TM4SF19: variants seen among roughly 807,000 people sequenced by gnomAD.
The protein encoded by TM4SF19 is transmembrane 4 L6 family member 19.
Under a neutral mutation model 21.8 loss-of-function variants are expected in TM4SF19, and 17 were observed. The observed-to-expected ratio is 0.78, with a 90% confidence interval of 0.53 to 1.17. TM4SF19 has a LOEUF of 1.17. Among genes scored for constraint, TM4SF19 ranks in the 50% most tolerant of loss-of-function variants. The pLI is 0.00. For synonymous variants in TM4SF19, 107 were observed against 106.7 expected, an observed-to-expected ratio of 1.00 and a Z score of -0.02; for missense variants, 216 against 252.1, an observed-to-expected ratio of 0.86 and a Z score of 0.97.
chr3:196,330,187 C>A (rs78265879), intron 1 of TM4SF19, among the ~76,000 whole-genome samples: 1 of 152,000 alleles, frequency 6.6e-6, no homozygotes, highest in Non-Finnish European at 1.5e-5. Context: ...TATGTTACCC[C>A]AGCTGGTCTT....
chr3:196,334,381 C>CTT (rs529810285), intron 1 of TM4SF19, among the ~76,000 whole-genome samples: 17 of 145,934 alleles, frequency 1.2e-4, no homozygotes, highest in Admixed American at 5.5e-4. Flanking sequence ...TTTTCTTTTT[C>CTT]TTTTTTTTTT....
intron 1 of TM4SF19, among the ~76,000 whole-genome samples, chr3:196,328,953 T>C (rs1014856552): frequency 5.3e-5 from 8 of 152,150 alleles, no homozygotes; most frequent in Non-Finnish European, 1.2e-4. Context: ...ATGATTTTTT[T>C]TTTTTCTTGA....
chr3:196,337,451 G>A (rs55817550), intron 1 of TM4SF19, among the ~76,000 whole-genome samples: 5 of 152,150 alleles, frequency 3.3e-5, no homozygotes, highest in Non-Finnish European at 5.9e-5. Flanking sequence ...TCTCCCAATA[G>A]ATAGAAAATA....
intron 1 of TM4SF19, among the ~76,000 whole-genome samples, chr3:196,334,609 A>T (rs1404269281): frequency 6.6e-6 from 1 of 151,854 alleles, no homozygotes; most frequent in Non-Finnish European, 1.5e-5. Flanking sequence ...GCACACCACC[A>T]TGCCCGGCTA....
intron 1 of TM4SF19, among the ~76,000 whole-genome samples, chr3:196,334,337 G>A (rs550709461): frequency 2.6e-5 from 4 of 151,522 alleles, no homozygotes; most frequent in East Asian, 1.9e-4. Context: ...TTGTTTAGTC[G>A]GGTGTTTTCC....
At chr3:196,326,866 A>G in intron 3 of TM4SF19, 89 bp downstream of exon 3, 1 of 1,135,844 alleles carries the variant, frequency 8.8e-7, no homozygotes, top group Non-Finnish European at 1.3e-6. Flanking sequence ...TCAGGCCCCA[A>G]GACCAAAATT....
intron 1 of TM4SF19, 114 bp from the exon 2 acceptor site, chr3:196,327,705 G>T: frequency 1.2e-6 from 1 of 835,944 alleles, no homozygotes. Flanking sequence ...CCACCTTCCA[G>T]GGTCAGACCA....
chr3:196,327,102 G>A, intron 2 of TM4SF19, 70 bp from the exon 3 acceptor site: 1 of 1,308,436 alleles, frequency 7.6e-7, no homozygotes, highest in Non-Finnish European at 1.1e-6. Flanking sequence ...GCTGCCCACA[G>A]CTGTTAGAGT....
intron 3 of TM4SF19, among the ~76,000 whole-genome samples, chr3:196,326,404 G>A (rs911686902): frequency 6.6e-6 from 1 of 152,046 alleles, no homozygotes; most frequent in Non-Finnish European, 1.5e-5. Context: ...GTGTGTGTGT[G>A]TGTGTGTGTG....
rs1408689684 is a variant in TM4SF19 at position 196,327,396 on chromosome 3, GCCT to G, written c.192_194del (p.Gly65del). On this transcript the variant is annotated inframe_deletion, in exon 2 of 5. Coordinates refer to ENST00000273695, the MANE Select transcript of TM4SF19 (RefSeq NM_138461.4). ...GGGAACCCCGGACACTTACCATGAG[GCCT>G]CCTCCCCAGAGCCCAGTTCCCAGCA... 1 of 1,613,716 alleles carries G rather than the reference GCCT, an allele frequency of 6.2e-7. No homozygotes were observed.
chr3:196,323,954 C>A lies in TM4SF19; in HGVS notation c.493G>T (p.Glu165Ter). 1 of 1,614,064 alleles carries A rather than the reference C, an allele frequency of 6.2e-7. No homozygotes were observed. ...DRSLWNSVCL[E>*]PSAAVVWHVS... ...TGCCAGACAACAGCTGCAGAGGGCT[C>A]CAGGCAGACGGAGTTCCAGAGCGAA... The change falls in exon 5 of 5, where the codon GAG becomes TAG. Residue 165 changes from glutamate to a stop codon, truncating the protein, a stop_gained. Transcript: ENST00000273695. LOFTEE classifies it high-confidence loss of function.
intron 4 of TM4SF19, 133 bp from the exon 5 acceptor site, chr3:196,324,130 C>G (rs1727185770): frequency 2.1e-6 from 3 of 1,434,276 alleles, no homozygotes; most frequent in Non-Finnish European, 2.9e-6. Context: ...CGTTACTGCT[C>G]CATTTGCAAT....
At chr3:196,332,025 C>T (rs1339467137) in intron 1 of TM4SF19, among the ~76,000 whole-genome samples, 1 of 152,092 alleles carries the variant, frequency 6.6e-6, no homozygotes, top group African/African-American at 2.4e-5. Flanking sequence ...AACCCCAGCA[C>T]TTTGGGAGGC....
chr3:196,327,262 C>T, intron 2 of TM4SF19, 128 bp downstream of exon 2: 11 of 981,270 alleles, frequency 1.1e-5, no homozygotes, highest in Non-Finnish European at 1.7e-5. Flanking sequence ...AGAGCTTCTA[C>T]AGACCCAAGA....
intron 1 of TM4SF19, among the ~76,000 whole-genome samples, chr3:196,331,458 A>G (rs1248609895): frequency 6.6e-6 from 1 of 151,200 alleles, no homozygotes; most frequent in Admixed American, 6.6e-5. Flanking sequence ...CTATTTATTT[A>G]TTTATTTAAT....
At chr3:196,332,447 GAAGGAAGAAAGGA>G (rs1394501575) in intron 1 of TM4SF19, among the ~76,000 whole-genome samples, 13 of 147,232 alleles carry the variant, frequency 8.8e-5, no homozygotes, top group African/African-American at 3.3e-4. Context: ...AGGGAGGGAG[GAAGGAAGAAAGGA>G]AAGGAAGGAA....
chr3:196,327,951 G>A (rs6768240), intron 1 of TM4SF19, among the ~76,000 whole-genome samples: 53,862 of 152,036 alleles, frequency 0.35, 10,479 homozygotes, highest in East Asian at 0.81. Flanking sequence ...TACTGGTCCT[G>A]GCCAGTGCAA....
At position 196,324,437 on chromosome 3, in the gene TM4SF19, G is replaced by A. The variant is rs1727202790; in HGVS notation, c.283C>T (p.Leu95Phe). The A allele has an allele frequency of 1.2e-6, 2 of 1,614,188 alleles. No individual in the cohort carries two copies. Among genetic ancestry groups the A allele is most frequent in the African/African-American group, 1.3e-5 (1 of 75,048 alleles). The stretch of plus-strand genomic sequence containing the variant: ...AGGCCACCTGACAACAGAGCAGTAA[G>A]CACCTGCGGAGGGAGGAGAAACACT... ...FSKSGLCRSV[L>F]TALLSGGLAL... is the part of the protein sequence containing the mutation. Residue 95 changes from leucine to phenylalanine, a missense_variant, in exon 4 of 5, where the codon CTT becomes TTT. Physicochemically the swap from Leu to Phe is conservative, Grantham distance 22. Coordinates refer to ENST00000273695, the MANE Select transcript of TM4SF19 (RefSeq NM_138461.4).
At chr3:196,327,756 G>T (rs1292680463) in intron 1 of TM4SF19, among the ~76,000 whole-genome samples, 165 bp from the exon 2 acceptor site, 1 of 152,184 alleles carries the variant, frequency 6.6e-6, no homozygotes, top group Non-Finnish European at 1.5e-5. Context: ...TGCTCCTTAG[G>T]AATCTTCCCC....
Sources: gnomAD v4.1 joint callset for allele counts (sites outside exome capture counted in the v4.1 genomes callset) on GRCh38, gnomAD v4.1.1 for gene constraint, MANE v1.5 for transcripts, NCBI Gene and HGNC (gene_info 2026-07-23, HGNC 2026-07-21) for gene names.